The following RCSD1 variants were observed in gnomAD, a reference collection of about 807,000 sequenced individuals.
The protein encoded by RCSD1 is RCSD domain containing 1.
In RCSD1, 26 loss-of-function variants were observed where a neutral mutation model predicts 42.5. The observed-to-expected ratio is 0.61, with a 90% CI of 0.45 to 0.85. RCSD1 has a LOEUF of 0.85. RCSD1 is among the 40% of genes least tolerant of loss of function. RCSD1 has a pLI of 0.00. For synonymous variants in RCSD1, 220 were observed against 212.2 expected (o/e 1.04, Z -0.32); for missense variants, 571 against 528.3 (o/e 1.08, Z -0.79).
chr1:167,640,304 A>G (rs1369440605), intron 1 of RCSD1: 1 of 152,024 alleles, frequency 6.6e-6, no homozygotes, highest in Non-Finnish European at 1.5e-5. Context: ...GCTCCATTCC[A>G]TGTTTCTTTT....
At chr1:167,702,234 ACAGGGGAAAGTTC>A (rs910776820) in intron 6 of RCSD1, among the ~76,000 whole-genome samples, 24 of 152,220 alleles carry the variant, frequency 1.6e-4, no homozygotes, top group African/African-American at 5.3e-4. Context: ...TCGAGAGAAA[ACAGGGGAAAGTTC>A]CATAAGTGCG....
At position 167,638,940 on chromosome 1, in the gene RCSD1, G is replaced by A. The variant is rs1301556636; in HGVS notation, c.6+8511G>A. 6.6e-5 allele frequency among the ~76,000 whole-genome samples: 10 copies of A among 152,294 alleles called. No homozygotes were observed. The East Asian group carries it at 1.3e-3, about 21-fold the overall frequency. ...AAGAGTTAAAACCAAGGTCCTGGTC[G>A]GGGGCGGTGGCTTATGCCTGTAATC... On this transcript the variant is annotated intron_variant, in intron 1 of 6. Coordinates refer to ENST00000367854, the MANE Select transcript of RCSD1 (RefSeq NM_052862.4).
chr1:167,694,921 T>G (rs922330581), intron 5 of RCSD1, among the ~76,000 whole-genome samples: 3 of 152,004 alleles, frequency 2.0e-5, no homozygotes, highest in African/African-American at 7.3e-5. Context: ...GGATCAGAGA[T>G]AGGGGCCAAG....
chr1:167,685,468 C>T lies in RCSD1; in HGVS notation c.156C>T (p.Pro52=), dbSNP rs955345361. The T allele has an allele frequency of 1.9e-6, 3 of 1,613,786 alleles. No individual in the cohort carries two copies. The highest frequency in any genetic ancestry group is 1.3e-5 in the African/African-American group (1 of 74,878). Reference sequence around the variant, plus strand: ...GAAGGAAACCGCCCTGTTCCCTCCCCCTGTTCCCCCCCAAGGTAGACCTGG... The same window carrying T: ...GAAGGAAACCGCCCTGTTCCCTCCCTCTGTTCCCCCCCAAGGTAGACCTGG... ...PTRRKPPCSL[P]LFPPKVDLGQ... Residue 52 remains proline (P), a synonymous_variant, in exon 3 of 7, where the codon CCC becomes CCT. Transcript: ENST00000367854.
chr1:167,683,831 A>C (rs1312357892), intron 1 of RCSD1, 69 bp from the exon 2 acceptor site: 16 of 1,425,748 alleles, frequency 1.1e-5, no homozygotes, highest in Non-Finnish European at 1.5e-5. Context: ...TGCAGCCACA[A>C]AACAGGTGCC....
intron 1 of RCSD1, among the ~76,000 whole-genome samples, chr1:167,637,210 A>C (rs1657882657): frequency 6.6e-6 from 1 of 152,202 alleles, no homozygotes; most frequent in African/African-American, 2.4e-5. Flanking sequence ...GAGCAAAGCT[A>C]CTGGTGCAAG....
chr1:167,636,846 A>T (rs770915229), intron 1 of RCSD1, among the ~76,000 whole-genome samples: 3 of 152,172 alleles, frequency 2.0e-5, no homozygotes, highest in Non-Finnish European at 2.9e-5. Context: ...TCAGCCTCCC[A>T]AAGTGCTGGG....
chr1:167,635,359 G>A (rs1657811735), intron 1 of RCSD1, among the ~76,000 whole-genome samples: 1 of 152,114 alleles, frequency 6.6e-6, no homozygotes, highest in Admixed American at 6.6e-5. Flanking sequence ...CCTCACACTG[G>A]CCCCCACTCA....
At position 167,654,477 on chromosome 1, in the gene RCSD1, C is replaced by T. The variant is rs182618094; in HGVS notation, c.6+24048C>T. ...GATTTACAGTAAGTTTGTGCTCTTA[C>T]ACAAGGAACAATACTTAAACTGGAA... On this transcript the variant is annotated intron_variant, in intron 1 of 6. Coordinates refer to ENST00000367854, the MANE Select transcript of RCSD1 (RefSeq NM_052862.4). Among the ~76,000 whole-genome samples the T allele has an allele frequency of 2.0e-5, 3 of 152,296 alleles. No individual in the cohort carries two copies. The East Asian group carries it at 5.8e-4, about 29-fold the overall frequency.
chr1:167,673,843 C>G lies in RCSD1; in HGVS notation c.7-10057C>G, dbSNP rs909861920. 7.2e-5 allele frequency among the ~76,000 whole-genome samples: 11 copies of G among 152,326 alleles called. No homozygotes were observed. In the East Asian group the frequency reaches 2.1e-3, roughly 29 times the overall value. On this transcript the variant is annotated intron_variant, in intron 1 of 6. Transcript: ENST00000367854. ...GCCTTCCTCCTTCTCCCCTCATGCC[C>G]ACCTTCTCTCCTAGCAAGCTGTTAT...
At chr1:167,637,649 G>T (rs1340146165) in intron 1 of RCSD1, among the ~76,000 whole-genome samples, 2 of 152,070 alleles carry the variant, frequency 1.3e-5, no homozygotes, top group Non-Finnish European at 2.9e-5. Context: ...GGTCCCGAGG[G>T]AATGCCTTTG....
intron 1 of RCSD1, among the ~76,000 whole-genome samples, chr1:167,646,614 A>G (rs936138131): frequency 1.3e-5 from 2 of 152,014 alleles, no homozygotes; most frequent in African/African-American, 4.8e-5. Flanking sequence ...TGCTGCATCT[A>G]TCAACCCATC....
Position 167,697,102 on chromosome 1 carries a change from C to A in RCSD1, c.478C>A (p.Arg160=). The change falls in exon 6 of 7, where the codon CGG becomes AGG. Residue 160 remains arginine, a synonymous_variant. Transcript: ENST00000367854. ...GSHLPCYNKV[R]TRGSIKRRPP... ...TTTCCTTAACACTTTCTTCTAGGTG[C>A]GGACGAGGGGCTCAATAAAAAGGCG... 1 of 1,609,878 alleles carries A rather than the reference C, an allele frequency of 6.2e-7. No homozygotes were observed. The highest frequency in any genetic ancestry group is 8.5e-7 in the Non-Finnish European group (1 of 1,177,884).
At chr1:167,688,154 C>T (rs754445581) in intron 3 of RCSD1, among the ~76,000 whole-genome samples, 9 of 152,246 alleles carry the variant, frequency 5.9e-5, no homozygotes, top group Non-Finnish European at 1.0e-4. Context: ...ATTCTTTCTG[C>T]TTTGCAATTC....
At chr1:167,651,660 C>T (rs1218038244) in intron 1 of RCSD1, among the ~76,000 whole-genome samples, 1 of 152,202 alleles carries the variant, frequency 6.6e-6, no homozygotes, top group Non-Finnish European at 1.5e-5. Context: ...CAACACCTCC[C>T]TGCCTGTTCC....
intron 1 of RCSD1, among the ~76,000 whole-genome samples, chr1:167,653,252 T>C (rs1218591647): frequency 6.6e-6 from 1 of 152,270 alleles, no homozygotes; most frequent in Non-Finnish European, 1.5e-5. Flanking sequence ...GTTTATCTCC[T>C]TTAGTTGCTT....
At chr1:167,652,010 C>G (rs1359712334) in intron 1 of RCSD1, among the ~76,000 whole-genome samples, 2 of 137,956 alleles carry the variant, frequency 1.4e-5, no homozygotes, top group Non-Finnish European at 3.1e-5. Flanking sequence ...GCTCCTGCCT[C>G]TGTTCATCTT....
intron 1 of RCSD1, among the ~76,000 whole-genome samples, chr1:167,677,288 G>A (rs960176901): frequency 1.3e-5 from 2 of 152,128 alleles, no homozygotes; most frequent in African/African-American, 4.8e-5. Flanking sequence ...TAAATGACCC[G>A]ACAATGTGGA....
At chr1:167,676,227 C>A (rs1021167523) in intron 1 of RCSD1, among the ~76,000 whole-genome samples, 1 of 152,226 alleles carries the variant, frequency 6.6e-6, no homozygotes, top group African/African-American at 2.4e-5. Context: ...CCCAGACAGT[C>A]TGGCTCAAAG....
Sources: gnomAD v4.1 joint callset for allele counts (sites outside exome capture counted in the v4.1 genomes callset) on GRCh38, gnomAD v4.1.1 for gene constraint, MANE v1.5 for transcripts, NCBI Gene and HGNC (gene_info 2026-07-23, HGNC 2026-07-21) for gene names.